Variants in PPP1R16B observed in about 807,000 individuals in gnomAD.
The protein encoded by PPP1R16B is protein phosphatase 1 regulatory subunit 16B, also known as protein phosphatase 1 regulatory inhibitor subunit 16B.
Under a neutral mutation model 61.7 loss-of-function variants are expected in PPP1R16B, and 14 were observed. That is an observed-to-expected ratio of 0.23 (90% CI 0.15 to 0.35). PPP1R16B has a LOEUF of 0.35. PPP1R16B is among the 10% of genes least tolerant of loss of function. The pLI is 1.00. For missense variants in PPP1R16B, 547 were observed against 752.5 expected, an observed-to-expected ratio of 0.73 and a Z score of 3.19; for synonymous variants, 266 against 305.3, an observed-to-expected ratio of 0.87 and a Z score of 1.34.
At chr20:38,903,937 A>T (rs1236180332) in intron 6 of PPP1R16B, among the ~76,000 whole-genome samples, 4 of 152,154 alleles carry the variant, frequency 2.6e-5, no homozygotes, top group Admixed American at 6.5e-5. Flanking sequence ...TCCCAGGCTT[A>T]GGTTCCACGC....
chr20:38,824,287 A>C (rs2084790729), intron 1 of PPP1R16B, among the ~76,000 whole-genome samples: 1 of 152,202 alleles, frequency 6.6e-6, no homozygotes, highest in East Asian at 1.9e-4. Flanking sequence ...AGTTTCATTA[A>C]GCATGTTTTA....
intron 2 of PPP1R16B, among the ~76,000 whole-genome samples, chr20:38,866,467 G>A (rs2085091375): frequency 6.6e-6 from 1 of 152,252 alleles, no homozygotes; most frequent in South Asian, 2.1e-4. Context: ...CACATGGTCA[G>A]CGTCCCGTAG....
In PPP1R16B at chr20:38,857,298, T is replaced by C. The variant is rs146922458; in HGVS notation, c.250+21123T>C. ...CCAGCATGTCTTGGGACAGATGCCA[T>C]GTCAAGGATCATCTAGATACTTGGA... On this transcript the variant is annotated intron_variant, in intron 2 of 10. Transcript: ENST00000299824. Among the ~76,000 whole-genome samples, 352 of 152,346 alleles carry C rather than the reference T, an allele frequency of 2.3e-3. 1 individual carries two copies. Among genetic ancestry groups the C allele is most frequent in the African/African-American group, 7.9e-3 (329 of 41,574 alleles).
At chr20:38,899,582 C>T (rs1387071917) in intron 4 of PPP1R16B, among the ~76,000 whole-genome samples, 1 of 152,188 alleles carries the variant, frequency 6.6e-6, no homozygotes, top group African/African-American at 2.4e-5. Context: ...TCCAAGGAGT[C>T]CCAGGTCTCC....
chr20:38,906,909 C>T, intron 7 of PPP1R16B, 70 bp from the exon 8 acceptor site: 4 of 1,320,946 alleles, frequency 3.0e-6, no homozygotes, highest in Non-Finnish European at 4.4e-6. Context: ...AGGCCTTGGG[C>T]ACTCTCTCCA....
intron 4 of PPP1R16B, among the ~76,000 whole-genome samples, chr20:38,899,603 C>T (rs943243312): frequency 6.6e-6 from 1 of 152,214 alleles, no homozygotes; most frequent in African/African-American, 2.4e-5. Flanking sequence ...ATTCTTCTAC[C>T]TCTGTACTAT....
In PPP1R16B at chr20:38,889,676, G is replaced by C; in HGVS notation, c.321+11G>C. On this transcript the variant is annotated intron_variant, in intron 3 of 10. Transcript: ENST00000299824. ...ACAGCCCTACACCAGGTAAGGCCGG[G>C]CTCGTTGGGGCTCCAGGGCTCCCTG... 1 of 1,564,994 alleles carries C rather than the reference G, an allele frequency of 6.4e-7. No homozygotes were observed. The highest frequency in any genetic ancestry group is 8.8e-7 in the Non-Finnish European group (1 of 1,135,244).
intron 2 of PPP1R16B, among the ~76,000 whole-genome samples, chr20:38,842,752 GCAGCT>G (rs2145724267): frequency 6.7e-6 from 1 of 149,334 alleles, no homozygotes; most frequent in African/African-American, 2.5e-5. Flanking sequence ...TCTTAAACCA[GCAGCT>G]CATCTACAGG....
At chr20:38,824,579 G>T (rs948901934) in intron 1 of PPP1R16B, among the ~76,000 whole-genome samples, 1 of 152,186 alleles carries the variant, frequency 6.6e-6, no homozygotes, top group Non-Finnish European at 1.5e-5. Flanking sequence ...ATTGGAATCT[G>T]CTCTCTGCGT....
chr20:38,845,728 G>C (rs899866221), intron 2 of PPP1R16B, among the ~76,000 whole-genome samples: 1 of 152,116 alleles, frequency 6.6e-6, no homozygotes, highest in Non-Finnish European at 1.5e-5. Flanking sequence ...CATACTGACC[G>C]TAGAAGACTA....
At chr20:38,819,204 G>C (rs1341901863) in intron 1 of PPP1R16B, among the ~76,000 whole-genome samples, 1 of 152,202 alleles carries the variant, frequency 6.6e-6, no homozygotes, top group Non-Finnish European at 1.5e-5. Context: ...ACCCTATGGA[G>C]CTTAGTTTGC....
intron 3 of PPP1R16B, among the ~76,000 whole-genome samples, chr20:38,891,937 A>G (rs374039211): frequency 5.9e-5 from 9 of 152,340 alleles, no homozygotes; most frequent in South Asian, 4.1e-4. Context: ...CACCAGCCAC[A>G]CGCGGATCCA....
chr20:38,897,017 A>G (rs2085354961), intron 4 of PPP1R16B, among the ~76,000 whole-genome samples: 2 of 152,220 alleles, frequency 1.3e-5, no homozygotes, highest in African/African-American at 4.8e-5. Context: ...ATGGTGGTGC[A>G]TGCCTGTAAT....
At chr20:38,813,814 T>C (rs1048985005) in intron 1 of PPP1R16B, among the ~76,000 whole-genome samples, 3 of 146,364 alleles carry the variant, frequency 2.0e-5, no homozygotes, top group African/African-American at 7.6e-5. Context: ...ATTATTATTT[T>C]GAGACACAGT....
At chr20:38,889,686 G>T (rs533100544) in intron 3 of PPP1R16B, 21 bp downstream of exon 3, 1 of 1,546,338 alleles carries the variant, frequency 6.5e-7, no homozygotes, top group African/African-American at 1.4e-5. Flanking sequence ...GCTCGTTGGG[G>T]CTCCAGGGCT....
chr20:38,806,208 C>T lies in PPP1R16B; in HGVS notation c.-102+416C>T, dbSNP rs75499349. Among the ~76,000 whole-genome samples, 124 of 152,164 alleles carry T rather than the reference C, an allele frequency of 8.1e-4. No individual in the cohort carries two copies. The highest frequency in any genetic ancestry group is 2.6e-3 in the African/African-American group (109 of 41,544). On this transcript the variant is annotated intron_variant, in intron 1 of 10. Transcript: ENST00000299824. This position sits in a 1 kb window ranked among gnomAD's most constrained non-coding sequence, Gnocchi z 4.5. ...CCACAGCGGACACCAAACAACCCCC[C>T]CCCGCGCACTCTCCCGGCCGGGCAT...
chr20:38,890,258 G>A (rs6028180), intron 3 of PPP1R16B, among the ~76,000 whole-genome samples: 32,653 of 152,190 alleles, frequency 0.21, 3,663 homozygotes, highest in Middle Eastern at 0.34. Context: ...AGCAGCCATG[G>A]GGATGCTTAA....
chr20:38,840,678 C>T lies in PPP1R16B; in HGVS notation c.250+4503C>T, dbSNP rs569608320. Among the ~76,000 whole-genome samples, 13 of 152,326 alleles carry T rather than the reference C, an allele frequency of 8.5e-5. No individual in the cohort carries two copies. The South Asian group carries it at 2.1e-3, about 24-fold the overall frequency. ...CCCTGGTTAAAGTAGCAACTCAATA[C>T]GTAGCTGATGTTTACTGAGAGACAG... On this transcript the variant is annotated intron_variant, in intron 2 of 10. Transcript: ENST00000299824.
chr20:38,920,087 A>G lies in PPP1R16B; in HGVS notation c.*1421A>G, dbSNP rs748063. The G allele has an allele frequency of 0.36, 55,152 of 152,254 alleles. 10,519 individuals carry two copies. The highest frequency in any genetic ancestry group is 0.52 in the Middle Eastern group (153 of 294). The allele number at this position is 152,254 out of a possible 1,614,324, so 9.4% of individuals were successfully genotyped here. ...CATTCAGGAGAGCCATGGTAGGGCTAGAGTTGGGTCTTGCCCAGCCCTGCA... is the reference window on the plus strand; with the variant it reads ...CATTCAGGAGAGCCATGGTAGGGCTGGAGTTGGGTCTTGCCCAGCCCTGCA... On this transcript the variant is annotated 3_prime_UTR_variant, in exon 11 of 11. Coordinates refer to ENST00000299824, the MANE Select transcript of PPP1R16B (RefSeq NM_015568.4).
Sources: allele counts gnomAD v4.1 joint callset (sites outside exome capture counted in the v4.1 genomes callset), GRCh38; gene constraint gnomAD v4.1.1; non-coding constraint Gnocchi (gnomAD v3.1); transcripts MANE v1.5; gene names NCBI Gene and HGNC (gene_info 2026-07-23, HGNC 2026-07-21).